NBAS: variants seen among roughly 807,000 people sequenced by gnomAD.
NBAS encodes NBAS subunit of NRZ tethering complex.
Under a neutral mutation model 302.5 loss-of-function variants are expected in NBAS, and 219 were observed. The observed-to-expected ratio is 0.72, with a 90% CI of 0.65 to 0.81. NBAS has a LOEUF of 0.81. NBAS is among the 30% of genes least tolerant of loss of function. The pLI, the probability that NBAS is intolerant of heterozygous loss-of-function variation, is 0.00. For missense variants in NBAS, 2,932 were observed against 2,841.6 expected, an observed-to-expected ratio of 1.03 and a Z score of -0.72; for synonymous variants, 1,118 against 1,021.6, an observed-to-expected ratio of 1.09 and a Z score of -1.80.
the NBAS span, among the ~76,000 whole-genome samples, chr2:15,155,666 T>C: frequency 6.6e-6 from 1 of 152,198 alleles, no homozygotes; most frequent in Non-Finnish European, 1.5e-5. Context: ...CCAAGCTGGA[T>C]TGTGTTCCGG....
At chr2:15,447,240 A>C (rs1233110595) in intron 21 of NBAS, among the ~76,000 whole-genome samples, 1 of 152,214 alleles carries the variant, frequency 6.6e-6, no homozygotes, top group Non-Finnish European at 1.5e-5. Context: ...CAGACTGGAT[A>C]ATACAGAAAG....
the NBAS span, among the ~76,000 whole-genome samples, chr2:14,846,058 T>A: frequency 6.6e-6 from 1 of 152,132 alleles, no homozygotes; most frequent in Non-Finnish European, 1.5e-5. Flanking sequence ...ACAAGAAGGT[T>A]ATAGAATAAG....
the NBAS span, among the ~76,000 whole-genome samples, chr2:15,088,627 G>A: frequency 0.015 from 2,311 of 152,326 alleles, 57 homozygotes; most frequent in African/African-American, 0.054. Context: ...TTGCAGGAAG[G>A]GGACCCAGCG....
At chr2:15,539,109 C>T in intron 7 of NBAS, 114 bp downstream of exon 7, 1 of 1,414,938 alleles carries the variant, frequency 7.1e-7, no homozygotes, top group Non-Finnish European at 9.8e-7. Context: ...AAGTCCACAG[C>T]TTATTATTCT....
At chr2:15,479,617 A>T (rs1236022039) in intron 12 of NBAS, among the ~76,000 whole-genome samples, 1 of 152,226 alleles carries the variant, frequency 6.6e-6, no homozygotes, top group African/African-American at 2.4e-5. Flanking sequence ...AGAAATCTTA[A>T]GGAAATTTTA....
At chr2:14,981,122 T>C in the NBAS span, among the ~76,000 whole-genome samples, 2 of 151,902 alleles carry the variant, frequency 1.3e-5, 1 homozygote, top group South Asian at 4.1e-4. Flanking sequence ...TTCCCATAAA[T>C]GAAGCATATG....
chr2:14,887,046 T>C, the NBAS span, among the ~76,000 whole-genome samples: 2 of 152,228 alleles, frequency 1.3e-5, no homozygotes, highest in African/African-American at 4.8e-5. Flanking sequence ...GAATTTGTCA[T>C]AGCAGGCTTA....
chr2:14,947,231 G>T, the NBAS span, among the ~76,000 whole-genome samples: 1 of 151,848 alleles, frequency 6.6e-6, no homozygotes, highest in African/African-American at 2.4e-5. Flanking sequence ...ACAAAAAGTT[G>T]ATTTTCTTAA....
intron 1 of NBAS, 100 bp from the exon 2 acceptor site, chr2:15,558,734 TCA>T: frequency 1.0e-6 from 1 of 956,170 alleles, no homozygotes; most frequent in Admixed American, 2.0e-5. Flanking sequence ...TTACTAATAC[TCA>T]GAGTTTTGGG....
At chr2:15,473,476 G>A (rs1680046346) in intron 15 of NBAS, 129 bp from the exon 16 acceptor site, 4 of 1,169,188 alleles carry the variant, frequency 3.4e-6, no homozygotes, top group Non-Finnish European at 4.9e-6. Flanking sequence ...GTGCACTGTG[G>A]CACCAGAAGC....
At chr2:14,905,957 A>C in the NBAS span, among the ~76,000 whole-genome samples, 2 of 152,180 alleles carry the variant, frequency 1.3e-5, no homozygotes, top group East Asian at 3.8e-4. Context: ...AGCTGCATAC[A>C]CTGATGAGTA....
chr2:14,972,745 A>G, the NBAS span, among the ~76,000 whole-genome samples: 18 of 152,296 alleles, frequency 1.2e-4, no homozygotes, highest in Non-Finnish European at 1.0e-4. Flanking sequence ...TTCAAACAAG[A>G]GAGACAGAAT....
At chr2:15,171,024 G>A (rs930106056) in intron 51 of NBAS, among the ~76,000 whole-genome samples, 1 of 152,090 alleles carries the variant, frequency 6.6e-6, no homozygotes, top group Non-Finnish European at 1.5e-5. Context: ...GTTTTTTCTT[G>A]TTTTTGACTA....
intron 21 of NBAS, among the ~76,000 whole-genome samples, chr2:15,448,485 T>C (rs1181179133): frequency 6.6e-6 from 1 of 152,302 alleles, no homozygotes; most frequent in Non-Finnish European, 1.5e-5. Flanking sequence ...ACAGCTAGCA[T>C]GTACTCACAC....
chr2:15,544,379 C>T (rs185068484), intron 6 of NBAS, among the ~76,000 whole-genome samples: 50 of 148,536 alleles, frequency 3.4e-4, no homozygotes, highest in Non-Finnish European at 6.5e-4. Context: ...GGAAGGAAGG[C>T]GGGAAAGAGG....
chr2:15,425,783 G>C (rs372677892), intron 22 of NBAS, among the ~76,000 whole-genome samples: 126 of 152,288 alleles, frequency 8.3e-4, no homozygotes, highest in African/African-American at 3.0e-3. Flanking sequence ...CAGTAACGCT[G>C]AGTTCCTCTG....
chr2:15,276,347 A>C (rs1004929646), intron 43 of NBAS, among the ~76,000 whole-genome samples: 31 of 152,190 alleles, frequency 2.0e-4, no homozygotes, highest in African/African-American at 7.5e-4. Context: ...GCAAATTATG[A>C]AGTATAAAAA....
intron 45 of NBAS, 34 bp downstream of exon 45, chr2:15,238,434 C>T: frequency 6.3e-7 from 1 of 1,584,892 alleles, no homozygotes. Flanking sequence ...TATACTGATA[C>T]AGAGTGAGCA....
chr2:15,036,530 A>T, the NBAS span, among the ~76,000 whole-genome samples: 2 of 152,094 alleles, frequency 1.3e-5, no homozygotes, highest in African/African-American at 4.8e-5. Flanking sequence ...GTCACTTTCC[A>T]CCTTAACACT....
Sources: gnomAD v4.1 joint callset for allele counts (sites outside exome capture counted in the v4.1 genomes callset) on GRCh38, gnomAD v4.1.1 for gene constraint, MANE v1.5 for transcripts, NCBI Gene and HGNC (gene_info 2026-07-23, HGNC 2026-07-21) for gene names.